IL1RAPL1: variants seen among roughly 807,000 people sequenced by gnomAD.
IL1RAPL1 encodes the protein interleukin-1 receptor accessory protein-like 1.
Under a neutral mutation model 48.4 loss-of-function variants are expected in IL1RAPL1, and 3 were observed. The ratio of observed to expected loss-of-function variants is 0.06; its 90% CI spans 0.03 to 0.16. IL1RAPL1 has a LOEUF of 0.16. Among genes scored for constraint, IL1RAPL1 ranks in the 10% least tolerant of loss-of-function variants. The probability of loss-of-function intolerance (pLI) is 1.00; values close to 1 mark genes in which losing one functional copy is unlikely to be tolerated. For missense variants in IL1RAPL1, 349 were observed against 530.6 expected (o/e 0.66, Z 3.36); for synonymous variants, 185 against 187.7 (o/e 0.99, Z 0.12).
intron 5 of IL1RAPL1, among the ~76,000 whole-genome samples, chrX:29,422,310 TGA>T (rs1275277962): frequency 1.8e-5 from 2 of 111,195 alleles, no homozygotes; most frequent in Non-Finnish European, 3.8e-5. Flanking sequence ...CCTCCTGGCT[TGA>T]GAGAGTCATT....
rs1924594887 is a variant in IL1RAPL1 at position 29,625,589 on chromosome X, T to C, written c.704-42841T>C. Among the ~76,000 whole-genome samples, 2 of 111,877 alleles carry C rather than the reference T, an allele frequency of 1.8e-5. 1 individual carries two copies. The highest frequency in any genetic ancestry group is 1.9e-4 in the Admixed American group (2 of 10,527). On this transcript the variant is annotated intron_variant, in intron 5 of 10. Transcript: ENST00000378993. ...TATATTTCTGTGAGTGTCATATCAT[T>C]TGCCGGTAGGACTGGTGCCCTTGTT...
chrX:29,433,375 A>G, intron 5 of IL1RAPL1, among the ~76,000 whole-genome samples: 1 of 110,855 alleles, frequency 9.0e-6, no homozygotes, highest in East Asian at 2.8e-4. Context: ...CATCCCTTTC[A>G]AGTATATATA....
intron 5 of IL1RAPL1, among the ~76,000 whole-genome samples, chrX:29,598,852 C>T (rs1456796686): frequency 1.8e-5 from 2 of 112,042 alleles, no homozygotes; most frequent in Non-Finnish European, 3.8e-5. Context: ...GCTACCCGTA[C>T]TCCTCACTTT....
At chrX:29,716,955 A>G (rs1927500652) in intron 6 of IL1RAPL1, among the ~76,000 whole-genome samples, 1 of 111,434 alleles carries the variant, frequency 9.0e-6, no homozygotes, top group Non-Finnish European at 1.9e-5. Context: ...TTGAATATCT[A>G]TCAATATTCA....
intron 1 of IL1RAPL1, 58 bp downstream of exon 1, chrX:28,588,105 T>C (rs950859316): frequency 2.7e-5 from 3 of 111,208 alleles, no homozygotes; most frequent in Non-Finnish European, 5.6e-5. Context: ...TGGGCATTTG[T>C]AATGGGAATG....
At chrX:28,763,575 T>C (rs1320587869) in intron 1 of IL1RAPL1, among the ~76,000 whole-genome samples, 1 of 110,811 alleles carries the variant, frequency 9.0e-6, no homozygotes, top group Non-Finnish European at 1.9e-5. Context: ...ATAGAGTGAG[T>C]GAGAGGACCA....
At chrX:29,841,961 C>T (rs992530042) in intron 6 of IL1RAPL1, among the ~76,000 whole-genome samples, 7 of 111,927 alleles carry the variant, frequency 6.3e-5, no homozygotes, top group East Asian at 2.8e-4. Flanking sequence ...ACCAGGCCCA[C>T]GCTTTTAAGA....
At chrX:28,607,245 A>G (rs1278849447) in intron 1 of IL1RAPL1, among the ~76,000 whole-genome samples, 2 of 110,556 alleles carry the variant, frequency 1.8e-5, no homozygotes, top group African/African-American at 6.6e-5. Flanking sequence ...GAATGTGCCC[A>G]TAGTTTATTC....
At chrX:29,898,185 A>C in intron 6 of IL1RAPL1, among the ~76,000 whole-genome samples, 1 of 112,079 alleles carries the variant, frequency 8.9e-6, no homozygotes, top group East Asian at 2.8e-4. Flanking sequence ...TAATTAAGTG[A>C]CATTTCAGAA....
rs1001621036 is a variant in IL1RAPL1, at chrX:29,837,463, C to T, written c.779-80001C>T. ...AACAGCTTTATTTGTTAGAAACCAA[C>T]ATTACCCCATTTTGTAAATACAACT... On this transcript the variant is annotated intron_variant, in intron 6 of 10. Transcript: ENST00000378993. Among the ~76,000 whole-genome samples the T allele has an allele frequency of 3.1e-4, 34 of 108,862 alleles. 1 individual carries two copies. The highest frequency in any genetic ancestry group is 5.0e-4 in the Non-Finnish European group (26 of 52,499). 94.5% of individuals were successfully genotyped at this position (108,862 alleles called of 115,157 possible). A position where few individuals can be genotyped will look rare whatever the true frequency, so the allele number is the denominator to read the frequency against.
At chrX:29,683,850 C>T (rs187743808) in intron 6 of IL1RAPL1, among the ~76,000 whole-genome samples, 246 of 112,255 alleles carry the variant, frequency 2.2e-3, no homozygotes, top group Non-Finnish European at 3.1e-3. Flanking sequence ...TTATCCAGTT[C>T]AGGTTGCTAA....
In IL1RAPL1 at chrX:28,762,598, C is replaced by G. The variant is rs566890349; in HGVS notation, c.-24-26722C>G. ...ACACGGGCACACACACACTTTGCAT[C>G]CTATCTGCATTTTGCTTCATGTTTT... On this transcript the variant is annotated intron_variant, in intron 1 of 10. Coordinates refer to ENST00000378993, the MANE Select transcript of IL1RAPL1 (RefSeq NM_014271.4). Among the ~76,000 whole-genome samples the G allele has an allele frequency of 1.5e-4, 17 of 109,962 alleles. No individual in the cohort carries two copies. In the South Asian group the frequency reaches 6.7e-3, roughly 43 times the overall value.
chrX:29,506,771 C>T (rs1024391704), intron 5 of IL1RAPL1, among the ~76,000 whole-genome samples: 1 of 108,698 alleles, frequency 9.2e-6, no homozygotes, highest in Non-Finnish European at 1.9e-5. Flanking sequence ...ATGGTAGTCT[C>T]ACCTCCCCTT....
At chrX:29,121,262 A>G (rs1337863099) in intron 2 of IL1RAPL1, among the ~76,000 whole-genome samples, 1 of 111,990 alleles carries the variant, frequency 8.9e-6, no homozygotes, top group Non-Finnish European at 1.9e-5. Flanking sequence ...AAAAAAAGAA[A>G]ATAAAAGGTA....
At chrX:29,656,842 T>C (rs1925698853) in intron 5 of IL1RAPL1, among the ~76,000 whole-genome samples, 1 of 111,549 alleles carries the variant, frequency 9.0e-6, no homozygotes, top group African/African-American at 3.3e-5. Context: ...ACCTCTTGAT[T>C]TTCAGTTGTT....
At chrX:29,605,851 T>C (rs182715481) in intron 5 of IL1RAPL1, among the ~76,000 whole-genome samples, 2 of 112,271 alleles carry the variant, frequency 1.8e-5, no homozygotes, top group Non-Finnish European at 3.8e-5. Context: ...AGGCAGGATA[T>C]TCTTTATTTC....
At position 28,969,189 on chromosome X, in the gene IL1RAPL1, A is replaced by C. The variant is rs745405371; in HGVS notation, c.82+179764A>C. Reference sequence around the variant, plus strand: ...GTGAAGCCACTGTATAGTTATTTTTATTTATTTATTCATTTAAAAGGATTT... The same window carrying C: ...GTGAAGCCACTGTATAGTTATTTTTCTTTATTTATTCATTTAAAAGGATTT... On this transcript the variant is annotated intron_variant, in intron 2 of 10. Coordinates refer to ENST00000378993, the MANE Select transcript of IL1RAPL1 (RefSeq NM_014271.4). 2.7e-5 allele frequency among the ~76,000 whole-genome samples: 3 copies of C among 111,986 alleles called. No individual in the cohort carries two copies. In the East Asian group the frequency reaches 8.4e-4, roughly 31 times the overall value.
intron 2 of IL1RAPL1, among the ~76,000 whole-genome samples, chrX:29,149,555 C>A (rs1206046236): frequency 9.0e-6 from 1 of 111,667 alleles, no homozygotes; most frequent in Non-Finnish European, 1.9e-5. Flanking sequence ...AACAATAAGA[C>A]AATTTCAGAT....
intron 1 of IL1RAPL1, among the ~76,000 whole-genome samples, chrX:28,774,371 A>T (rs1454771637): frequency 2.7e-5 from 3 of 111,563 alleles, no homozygotes; most frequent in African/African-American, 6.5e-5. Context: ...CTGGGCATGG[A>T]TTATCCGGGT....
Sources: allele counts gnomAD v4.1 joint callset (sites outside exome capture counted in the v4.1 genomes callset), GRCh38; gene constraint gnomAD v4.1.1; transcripts MANE v1.5; gene names NCBI Gene and HGNC (gene_info 2026-07-23, HGNC 2026-07-21).